AGMO: variants seen among roughly 807,000 people sequenced by gnomAD.
AGMO encodes glyceryl-ether monooxygenase.
AGMO carries 75 observed loss-of-function variants against 60.2 expected under a neutral mutation model. The ratio of observed to expected loss-of-function variants is 1.25; its 90% CI spans 1.03 to 1.51. The LOEUF (loss-of-function observed/expected upper bound fraction) is 1.51, where lower values mean the gene tolerates loss of function less well. Ranked by LOEUF, AGMO falls within the 40% of genes most tolerant of loss-of-function variation. AGMO has a pLI of 0.00. For synonymous variants in AGMO, 261 were observed against 177.1 expected (o/e 1.47, Z -3.76); for missense variants, 763 against 525.5 (o/e 1.45, Z -4.42).
chr7:15,222,385 T>C (rs777077043), intron 12 of AGMO, among the ~76,000 whole-genome samples: 1 of 152,070 alleles, frequency 6.6e-6, no homozygotes, highest in Non-Finnish European at 1.5e-5. Context: ...AAGCTCAAAA[T>C]ATTTTGAAAA....
rs200446355 is a variant in AGMO, at chr7:15,357,445, G to A, written c.1263+8069C>T. Among the ~76,000 whole-genome samples, 6 of 152,060 alleles carry A rather than the reference G, an allele frequency of 3.9e-5. No homozygotes were observed. In the East Asian group the frequency reaches 5.8e-4, roughly 15 times the overall value. On this transcript the variant is annotated intron_variant, in intron 12 of 12. Coordinates refer to ENST00000342526, the MANE Select transcript of AGMO (RefSeq NM_001004320.2). The stretch of plus-strand genomic sequence containing the variant: ...TAAATAAAACCTCAGCGTGGTAGAC[G>A]GATAAAAGGCCATAAATTTATGTGT...
At chr7:15,447,050 G>C (rs995193450) in intron 3 of AGMO, among the ~76,000 whole-genome samples, 1 of 152,174 alleles carries the variant, frequency 6.6e-6, no homozygotes, top group Non-Finnish European at 1.5e-5. Flanking sequence ...TGAGATGAAA[G>C]GGAATAAATG....
chr7:15,129,339 T>C, the AGMO span, among the ~76,000 whole-genome samples: 2 of 146,498 alleles, frequency 1.4e-5, no homozygotes, highest in East Asian at 4.3e-4. Context: ...AAATCCATTT[T>C]ATTTCTACCA....
the AGMO span, among the ~76,000 whole-genome samples, chr7:15,128,747 G>A: frequency 6.6e-6 from 1 of 152,082 alleles, no homozygotes; most frequent in Non-Finnish European, 1.5e-5. Context: ...AAAACCAAGT[G>A]TAATCTAAAA....
chr7:15,331,498 G>A lies in AGMO; in HGVS notation c.1263+34016C>T, dbSNP rs185919382. 3.1e-4 allele frequency among the ~76,000 whole-genome samples: 47 copies of A among 152,272 alleles called. No homozygotes were observed. In the East Asian group the frequency reaches 7.1e-3, roughly 23 times the overall value. The stretch of plus-strand genomic sequence containing the variant: ...GCCAAGTGCTTAAAATTCAGGGAAA[G>A]GGGTAGAAGCCCTGTGTGAAAACAG... On this transcript the variant is annotated intron_variant, in intron 12 of 12. Transcript: ENST00000342526.
the AGMO span, among the ~76,000 whole-genome samples, chr7:15,139,301 A>G: frequency 6.6e-6 from 1 of 151,996 alleles, no homozygotes; most frequent in South Asian, 2.1e-4. Context: ...TTCATTTTTC[A>G]CTGCTTATAT....
rs36124819 is a variant in AGMO at position 15,357,190 on chromosome 7, CGTGTGTGTGTGTGTGTGTGTGT to C, written c.1263+8302_1263+8323del. Among the ~76,000 whole-genome samples, 28 of 144,460 alleles carry C rather than the reference CGTGTGTGTGTGTGTGTGTGTGT, an allele frequency of 1.9e-4. No individual in the cohort carries two copies. In the South Asian group the frequency reaches 5.9e-3, roughly 30 times the overall value. The allele number at this position is 144,460 out of a possible 152,430, so 94.8% of individuals were successfully genotyped here. A position where few individuals can be genotyped will look rare whatever the true frequency, so the allele number is the denominator to read the frequency against. ...AAAATTGCTCTATACTATGAATATT[CGTGTGTGTGTGTGTGTGTGTGT>C]GTGTGTGTGTGTGTGTTTCACCTTG... On this transcript the variant is annotated intron_variant, in intron 12 of 12. Transcript: ENST00000342526.
At chr7:15,180,533 C>T in the AGMO span, among the ~76,000 whole-genome samples, 11 of 152,106 alleles carry the variant, frequency 7.2e-5, no homozygotes, top group African/African-American at 2.4e-4. Context: ...TCCATTTCTA[C>T]CACCATTTTG....
At chr7:15,338,705 C>T (rs972541332) in intron 12 of AGMO, among the ~76,000 whole-genome samples, 1 of 152,126 alleles carries the variant, frequency 6.6e-6, no homozygotes, top group South Asian at 2.1e-4. Flanking sequence ...GTTGAATTTA[C>T]TCCCAAAATT....
Position 15,327,959 on chromosome 7 carries a change from T to G in AGMO, c.1263+37555A>C, listed in dbSNP as rs559016085. Among the ~76,000 whole-genome samples the G allele has an allele frequency of 3.3e-5, 5 of 151,818 alleles. No homozygotes were observed. In the South Asian group the frequency reaches 8.3e-4, roughly 25 times the overall value. ...TTAAAAAAAAAAATTTTTTTTTGGTTGAGACAGGGTCTCACTATGTTGCCT... is the reference window on the plus strand; with the variant it reads ...TTAAAAAAAAAAATTTTTTTTTGGTGGAGACAGGGTCTCACTATGTTGCCT... On this transcript the variant is annotated intron_variant, in intron 12 of 12. Coordinates refer to ENST00000342526, the MANE Select transcript of AGMO (RefSeq NM_001004320.2).
intron 12 of AGMO, among the ~76,000 whole-genome samples, chr7:15,352,769 G>A (rs1782297119): frequency 6.6e-6 from 1 of 151,680 alleles, no homozygotes; most frequent in Non-Finnish European, 1.5e-5. Context: ...TCTCCTTAGA[G>A]CCATTATCTA....
intron 12 of AGMO, among the ~76,000 whole-genome samples, chr7:15,310,009 T>G (rs183838076): frequency 6.6e-6 from 1 of 152,190 alleles, no homozygotes. Flanking sequence ...TATCATATTC[T>G]GTCTGGAAGG....
chr7:15,470,494 T>G (rs1782423974), intron 3 of AGMO, among the ~76,000 whole-genome samples: 1 of 151,944 alleles, frequency 6.6e-6, no homozygotes, highest in Non-Finnish European at 1.5e-5. Context: ...CTTCAAGTAT[T>G]CATAATTAGA....
intron 3 of AGMO, among the ~76,000 whole-genome samples, chr7:15,543,950 G>A (rs372263060): frequency 1.8e-4 from 28 of 151,540 alleles, no homozygotes; most frequent in African/African-American, 4.1e-4. Flanking sequence ...CCTTTTCACC[G>A]CAAAAATATG....
the AGMO span, among the ~76,000 whole-genome samples, chr7:15,139,329 G>A: frequency 6.6e-6 from 1 of 152,100 alleles, no homozygotes; most frequent in Non-Finnish European, 1.5e-5. Flanking sequence ...TCCTGAAAAT[G>A]GGGCTTTTAA....
rs1234046338 is a variant in AGMO at position 15,371,365 on chromosome 7, C to T, written c.1075-5143G>A. On this transcript the variant is annotated intron_variant, in intron 10 of 12. Transcript: ENST00000342526. ...CTCCAGAGGTAGCTGGGACTACAGGCACATGCTACCGTGCGCACAGCTAAT... is the reference window on the plus strand; with the variant it reads ...CTCCAGAGGTAGCTGGGACTACAGGTACATGCTACCGTGCGCACAGCTAAT... Among the ~76,000 whole-genome samples the T allele has an allele frequency of 4.0e-5, 6 of 151,700 alleles. No homozygotes were observed. In the East Asian group the frequency reaches 1.2e-3, roughly 29 times the overall value.
At chr7:15,388,401 G>A (rs1346656636) in intron 8 of AGMO, among the ~76,000 whole-genome samples, 3 of 152,038 alleles carry the variant, frequency 2.0e-5, no homozygotes, top group Admixed American at 6.6e-5. Context: ...AATGTTAGGT[G>A]GAAGCTTCGC....
chr7:15,327,276 A>C (rs760124473), intron 12 of AGMO, among the ~76,000 whole-genome samples: 3 of 152,194 alleles, frequency 2.0e-5, no homozygotes, highest in Non-Finnish European at 4.4e-5. Flanking sequence ...AGACAGCTAA[A>C]AATAGAAAAT....
intron 12 of AGMO, among the ~76,000 whole-genome samples, chr7:15,233,561 T>TC (rs59598838): frequency 0.015 from 2,251 of 150,652 alleles, 37 homozygotes; most frequent in African/African-American, 0.052. Flanking sequence ...TTTTTTTTTT[T>TC]CCCCCCTTTG....
Sources: gnomAD v4.1 joint callset for allele counts (sites outside exome capture counted in the v4.1 genomes callset) on GRCh38, gnomAD v4.1.1 for gene constraint, MANE v1.5 for transcripts, NCBI Gene and HGNC (gene_info 2026-07-23, HGNC 2026-07-21) for gene names.